Variants in CPPED1 observed in about 807,000 individuals in gnomAD.
The protein encoded by CPPED1 is serine/threonine-protein phosphatase CPPED1.
Under a neutral mutation model 28.0 loss-of-function variants are expected in CPPED1, and 28 were observed. The observed-to-expected ratio is 1.00, with a 90% CI of 0.74 to 1.37. The LOEUF (loss-of-function observed/expected upper bound fraction) is 1.37. CPPED1 is among the 40% of genes most tolerant of loss of function. The pLI, the probability that CPPED1 is intolerant of heterozygous loss-of-function variation, is 0.00. For missense variants in CPPED1, 504 were observed against 416.5 expected, an observed-to-expected ratio of 1.21 and a Z score of -1.83; for synonymous variants, 198 against 180.2, an observed-to-expected ratio of 1.10 and a Z score of -0.79.
intron 3 of CPPED1, among the ~76,000 whole-genome samples, chr16:12,696,503 T>C (rs1461314473): frequency 1.3e-5 from 2 of 148,530 alleles, no homozygotes; most frequent in Admixed American, 6.8e-5. Context: ...TGCAGTGGCG[T>C]GATCTCGGCT....
chr16:12,766,298 G>GAA (rs1567301070), intron 2 of CPPED1, among the ~76,000 whole-genome samples: 86 of 128,876 alleles, frequency 6.7e-4, no homozygotes, highest in African/African-American at 1.0e-3. Flanking sequence ...GAGAGAAAGA[G>GAA]AGAGAGAGAG....
intron 3 of CPPED1, among the ~76,000 whole-genome samples, chr16:12,681,497 C>T (rs552256199): frequency 4.6e-5 from 7 of 152,254 alleles, no homozygotes; most frequent in Non-Finnish European, 8.8e-5. Context: ...CAGCACAAAA[C>T]GAACTAAGAC....
At chr16:12,734,063 T>TG (rs1567290004) in intron 2 of CPPED1, among the ~76,000 whole-genome samples, 1 of 58,912 alleles carries the variant, frequency 1.7e-5, no homozygotes, top group African/African-American at 5.0e-5. Context: ...TACACGTTTT[T>TG]TTTTTTTTTT....
intron 2 of CPPED1, among the ~76,000 whole-genome samples, chr16:12,753,543 T>C (rs2080344693): frequency 6.6e-6 from 1 of 152,134 alleles, no homozygotes; most frequent in East Asian, 1.9e-4. Flanking sequence ...CCACCTTTCC[T>C]GGTCACTGAT....
chr16:12,792,328 T>G (rs2080601599), intron 1 of CPPED1, among the ~76,000 whole-genome samples: 1 of 152,102 alleles, frequency 6.6e-6, no homozygotes, highest in Non-Finnish European at 1.5e-5. Context: ...TTCTGACACA[T>G]AACAATGTCT....
intron 2 of CPPED1, among the ~76,000 whole-genome samples, chr16:12,710,585 T>C (rs866207237): frequency 6.6e-6 from 1 of 152,042 alleles, no homozygotes; most frequent in Non-Finnish European, 1.5e-5. Context: ...ATTCTCAAAT[T>C]AAATATCTGA....
chr16:12,729,311 T>G (rs536601377), intron 2 of CPPED1, among the ~76,000 whole-genome samples: 1 of 152,100 alleles, frequency 6.6e-6, no homozygotes, highest in Non-Finnish European at 1.5e-5. Context: ...CAAGGTTAAT[T>G]TGGGGACATT....
At chr16:12,724,433 G>A (rs1034681198) in intron 2 of CPPED1, among the ~76,000 whole-genome samples, 12 of 152,184 alleles carry the variant, frequency 7.9e-5, no homozygotes, top group African/African-American at 2.7e-4. Context: ...ACTTCCATGA[G>A]TGGCCCGTGC....
chr16:12,706,634 G>A (rs186442579), intron 2 of CPPED1, among the ~76,000 whole-genome samples: 42 of 151,556 alleles, frequency 2.8e-4, no homozygotes, highest in Non-Finnish European at 3.2e-4. Flanking sequence ...AAGCCAGCCA[G>A]GTGGCTGGAA....
chr16:12,800,877 T>A (rs1292842532), intron 1 of CPPED1, among the ~76,000 whole-genome samples: 2 of 152,068 alleles, frequency 1.3e-5, no homozygotes, highest in African/African-American at 4.8e-5. Flanking sequence ...CTTTTAGCAA[T>A]CAGACGAAGC....
chr16:12,684,301 A>T (rs1181362121), intron 3 of CPPED1, among the ~76,000 whole-genome samples: 1 of 152,210 alleles, frequency 6.6e-6, no homozygotes, highest in African/African-American at 2.4e-5. Flanking sequence ...ACCTAAGCCC[A>T]GGAGTTTGGG....
chr16:12,718,109 G>T (rs944622967), intron 2 of CPPED1, among the ~76,000 whole-genome samples: 2 of 152,212 alleles, frequency 1.3e-5, no homozygotes, highest in African/African-American at 4.8e-5. Flanking sequence ...CAGGGGAAGA[G>T]AAGAGAGCTA....
At chr16:12,725,692 C>T (rs559461368) in intron 2 of CPPED1, among the ~76,000 whole-genome samples, 1 of 152,182 alleles carries the variant, frequency 6.6e-6, no homozygotes, top group East Asian at 1.9e-4. Context: ...GTGGAGACCT[C>T]GTGTTCAAAT....
At chr16:12,782,744 A>G (rs1019700314) in intron 1 of CPPED1, among the ~76,000 whole-genome samples, 7 of 151,856 alleles carry the variant, frequency 4.6e-5, no homozygotes, top group African/African-American at 1.5e-4. Flanking sequence ...ACAGGTGGGC[A>G]CCTGTAATCC....
intron 3 of CPPED1, among the ~76,000 whole-genome samples, chr16:12,681,924 G>A (rs2079906960): frequency 6.6e-6 from 1 of 152,148 alleles, no homozygotes; most frequent in Non-Finnish European, 1.5e-5. Flanking sequence ...GCTAGAGGTG[G>A]CTGGCTGCCC....
At chr16:12,798,631 A>G (rs2080640967) in intron 1 of CPPED1, among the ~76,000 whole-genome samples, 1 of 152,230 alleles carries the variant, frequency 6.6e-6, no homozygotes, top group African/African-American at 2.4e-5. Context: ...TTTTAAGAAT[A>G]CCACCCATTA....
At chr16:12,683,335 C>T (rs757471058) in intron 3 of CPPED1, among the ~76,000 whole-genome samples, 1 of 152,150 alleles carries the variant, frequency 6.6e-6, no homozygotes, top group Non-Finnish European at 1.5e-5. Flanking sequence ...CATACATCTC[C>T]GGCTTCCACA....
At chr16:12,801,177 T>G (rs955116851) in intron 1 of CPPED1, among the ~76,000 whole-genome samples, 1 of 152,214 alleles carries the variant, frequency 6.6e-6, no homozygotes, top group African/African-American at 2.4e-5. Context: ...CACTGCAACT[T>G]CTGCTTCCCA....
At chr16:12,770,730 G>A (rs1173148219) in intron 2 of CPPED1, among the ~76,000 whole-genome samples, 2 of 152,106 alleles carry the variant, frequency 1.3e-5, no homozygotes, top group Non-Finnish European at 1.5e-5. Flanking sequence ...ACTGAGGCAG[G>A]AGAATCGCTT....
Sources: gnomAD v4.1 joint callset for allele counts (sites outside exome capture counted in the v4.1 genomes callset) on GRCh38, gnomAD v4.1.1 for gene constraint, MANE v1.5 for transcripts, NCBI Gene and HGNC (gene_info 2026-07-23, HGNC 2026-07-21) for gene names.